HEPH: variants seen among roughly 807,000 people sequenced by gnomAD.
The protein encoded by HEPH is hephaestin.
In HEPH, 69 loss-of-function variants were observed where a neutral mutation model predicts 80.8. That is an observed-to-expected ratio of 0.85 (90% confidence interval 0.70 to 1.04). The LOEUF is 1.04. HEPH is among the 50% of genes least tolerant of loss of function. The probability of loss-of-function intolerance (pLI) is 0.00; values close to 1 mark genes in which losing one functional copy is unlikely to be tolerated. For synonymous variants in HEPH, 431 were observed against 322.8 expected (o/e 1.34, Z -3.60); for missense variants, 1,115 against 891.3 (o/e 1.25, Z -3.20).
chrX:66,255,781 G>A (rs1482566161), intron 16 of HEPH, among the ~76,000 whole-genome samples: 2 of 111,399 alleles, frequency 1.8e-5, no homozygotes, highest in Non-Finnish European at 3.8e-5. Context: ...CATCAGATAA[G>A]GGATATGATG....
At chrX:66,215,940 T>C (rs2089369395) in intron 15 of HEPH, among the ~76,000 whole-genome samples, 1 of 111,095 alleles carries the variant, frequency 9.0e-6, no homozygotes, top group Admixed American at 9.5e-5. Flanking sequence ...TGGGCTGTCA[T>C]CTTTCTTTCA....
At chrX:66,178,880 T>TC (rs1197546417) in intron 4 of HEPH, among the ~76,000 whole-genome samples, 1 of 112,145 alleles carries the variant, frequency 8.9e-6, no homozygotes, top group East Asian at 2.8e-4. Context: ...AAAAATTTTT[T>TC]CCCATTCTGT....
intron 15 of HEPH, among the ~76,000 whole-genome samples, chrX:66,241,041 C>G (rs1190785989): frequency 2.7e-5 from 3 of 111,389 alleles, no homozygotes; most frequent in African/African-American, 3.3e-5. Context: ...AAAATATAGA[C>G]AAGCACTTAG....
chrX:66,167,872 T>C (rs1401661313), intron 1 of HEPH, among the ~76,000 whole-genome samples: 1 of 112,261 alleles, frequency 8.9e-6, no homozygotes, highest in African/African-American at 3.2e-5. Flanking sequence ...CTTGCCTAAG[T>C]TCACCCTGAA....
At chrX:66,216,865 A>G (rs751035481) in intron 15 of HEPH, among the ~76,000 whole-genome samples, 1 of 111,931 alleles carries the variant, frequency 8.9e-6, no homozygotes, top group East Asian at 2.8e-4. Context: ...AATAGACAGC[A>G]TAAGTAAATA....
chrX:66,166,396 T>C (rs1602177778), intron 1 of HEPH, among the ~76,000 whole-genome samples: 1 of 110,994 alleles, frequency 9.0e-6, no homozygotes, highest in Non-Finnish European at 1.9e-5. Flanking sequence ...GGTTTCTCCA[T>C]ATTGGTCAGG....
intron 15 of HEPH, among the ~76,000 whole-genome samples, chrX:66,227,702 A>AT (rs776359766): frequency 1.8e-5 from 2 of 111,750 alleles, no homozygotes; most frequent in African/African-American, 6.5e-5. Flanking sequence ...AGATTAGTTG[A>AT]CTGTAAACAT....
intron 15 of HEPH, among the ~76,000 whole-genome samples, chrX:66,238,871 G>C (rs1222243584): frequency 8.9e-6 from 1 of 112,216 alleles, no homozygotes; most frequent in Non-Finnish European, 1.9e-5. Context: ...ATCCCTTATG[G>C]GAAATGAAGG....
chrX:66,199,436 G>T (rs2088300431), intron 11 of HEPH, among the ~76,000 whole-genome samples: 1 of 109,104 alleles, frequency 9.2e-6, no homozygotes, highest in African/African-American at 3.4e-5. Flanking sequence ...TTGCAGTGCT[G>T]TTCCCTTCAC....
chrX:66,251,417 A>C (rs1308427909), intron 15 of HEPH, among the ~76,000 whole-genome samples: 1 of 111,931 alleles, frequency 8.9e-6, no homozygotes, highest in African/African-American at 3.2e-5. Context: ...ATGATATCTC[A>C]TTGTAATTTT....
rs761385491 is a variant in HEPH at position 66,212,760 on chromosome X, G to GTTTA, written c.2563+4530_2563+4533dup. Among the ~76,000 whole-genome samples, 21 of 110,583 alleles carry GTTTA rather than the reference G, an allele frequency of 1.9e-4. No homozygotes were observed. The East Asian group carries it at 4.8e-3, about 25-fold the overall frequency. On this transcript the variant is annotated intron_variant, in intron 15 of 20. Coordinates refer to ENST00000343002, the MANE Select transcript of HEPH (RefSeq NM_001367233.3). ...GTCAGGTAATGTAATGCCTCCAGTG[G>GTTTA]TTTATTTATTTATTTATTTGTTTAT...
intron 17 of HEPH, among the ~76,000 whole-genome samples, chrX:66,257,199 G>A (rs1266475703): frequency 8.9e-6 from 1 of 112,046 alleles, no homozygotes; most frequent in Non-Finnish European, 1.9e-5. Flanking sequence ...AAATTTTAGC[G>A]CCTGTCAAAT....
At chrX:66,240,806 A>C (rs1377872542) in intron 15 of HEPH, among the ~76,000 whole-genome samples, 1 of 112,203 alleles carries the variant, frequency 8.9e-6, no homozygotes, top group African/African-American at 3.2e-5. Flanking sequence ...CATTCCCTAC[A>C]TACCTATACT....
At chrX:66,177,513 G>C (rs993840267) in intron 4 of HEPH, among the ~76,000 whole-genome samples, 3 of 111,803 alleles carry the variant, frequency 2.7e-5, no homozygotes, top group Admixed American at 9.5e-5. Flanking sequence ...GTGCAGAAAG[G>C]TGTTCATAGT....
chrX:66,214,368 A>G (rs1257529295), intron 15 of HEPH, among the ~76,000 whole-genome samples: 3 of 111,385 alleles, frequency 2.7e-5, no homozygotes, highest in Non-Finnish European at 5.7e-5. Context: ...ATTCTTTTTT[A>G]TTTTCGGTAG....
At chrX:66,214,581 G>A (rs1241183615) in intron 15 of HEPH, among the ~76,000 whole-genome samples, 3 of 111,256 alleles carry the variant, frequency 2.7e-5, no homozygotes, top group Non-Finnish European at 5.7e-5. Context: ...CCAACCCTTG[G>A]TCACAAAGAC....
intron 15 of HEPH, among the ~76,000 whole-genome samples, chrX:66,230,953 A>G (rs2090107423): frequency 9.4e-6 from 1 of 106,053 alleles, no homozygotes; most frequent in African/African-American, 3.4e-5. Context: ...TGATTTTTGT[A>G]TAAGGTGTAA....
chrX:66,203,696 T>A (rs2088606375), intron 13 of HEPH, 119 bp downstream of exon 13: 1 of 574,788 alleles, frequency 1.7e-6, no homozygotes, highest in African/African-American at 2.3e-5. Flanking sequence ...ACCAACAGAT[T>A]TGGGAGATGG....
chrX:66,203,573 G>A lies in HEPH; in HGVS notation c.2287G>A (p.Asp763Asn). Residue 763 changes from aspartate to asparagine, a missense_variant, in exon 13 of 21, where the codon GAC becomes AAC. Asp to Asn is a conservative substitution (Grantham distance 23). Around this residue, in one of 3 missense-constraint regions of HEPH, gnomAD observed 716 missense variants for 523.5 expected, o/e 1.37. Transcript: ENST00000343002. ...EREWHNQSEK[D>N]SYGYIFLSNK... ...GGAATGGCACAACCAGTCTGAGAAG[G>A]ACAGGTAAGGCTTCATAAATGGAGA... The A allele has an allele frequency of 8.3e-7, 1 of 1,206,316 alleles. No homozygotes were observed. Among genetic ancestry groups the A allele is most frequent in the Non-Finnish European group, 1.1e-6 (1 of 890,778 alleles).
Sources: gnomAD v4.1 joint callset for allele counts (sites outside exome capture counted in the v4.1 genomes callset) on GRCh38, gnomAD v4.1.1 for gene constraint, gnomAD v4.1.1 regional missense constraint, MANE v1.5 for transcripts, NCBI Gene and HGNC (gene_info 2026-07-23, HGNC 2026-07-21) for gene names.